The following RBM27 variants were observed in gnomAD, a reference collection of about 807,000 sequenced individuals.
RBM27 encodes the protein RNA-binding protein 27.
A neutral mutation model predicts 135.3 loss-of-function variants in RBM27; 22 were observed. The ratio of observed to expected loss-of-function variants is 0.16; its 90% CI spans 0.12 to 0.23. The LOEUF (loss-of-function observed/expected upper bound fraction) is 0.23. Ranked by LOEUF, RBM27 falls within the 10% of genes least tolerant of loss-of-function variation. The probability of loss-of-function intolerance (pLI) is 1.00; values close to 1 mark genes in which losing one functional copy is unlikely to be tolerated. For missense variants in RBM27, 1,009 were observed against 1,281.0 expected (o/e 0.79, Z 3.24); for synonymous variants, 481 against 442.4 (o/e 1.09, Z -1.10).
chr5:146,280,511 A>G (rs888647363), intron 19 of RBM27, among the ~76,000 whole-genome samples: 1 of 152,112 alleles, frequency 6.6e-6, no homozygotes, highest in African/African-American at 2.4e-5. Flanking sequence ...CATTTCCAAT[A>G]CCCCAATCTC....
intron 19 of RBM27, among the ~76,000 whole-genome samples, chr5:146,283,863 T>C (rs908206046): frequency 1.3e-5 from 2 of 152,224 alleles, no homozygotes; most frequent in East Asian, 1.9e-4. Flanking sequence ...TCTTCTATTA[T>C]GTTTTTTAGA....
chr5:146,231,618 T>C (rs535213297), intron 6 of RBM27, among the ~76,000 whole-genome samples: 1 of 152,226 alleles, frequency 6.6e-6, no homozygotes, highest in African/African-American at 2.4e-5. Context: ...GAATTTTATT[T>C]ATTTATTTAT....
At chr5:146,248,621 A>G (rs1418077338) in intron 8 of RBM27, among the ~76,000 whole-genome samples, 1 of 152,084 alleles carries the variant, frequency 6.6e-6, no homozygotes, top group African/African-American at 2.4e-5. Flanking sequence ...ATGCACCACT[A>G]CGCCTGGCTA....
In RBM27 at chr5:146,255,512, G is replaced by A. The variant is rs1012764981; in HGVS notation, c.1594+420G>A. Among the ~76,000 whole-genome samples, 26 of 152,218 alleles carry A rather than the reference G, an allele frequency of 1.7e-4. No homozygotes were observed. In the East Asian group the frequency reaches 2.9e-3, roughly 17 times the overall value. On this transcript the variant is annotated intron_variant, in intron 10 of 20. Transcript: ENST00000265271. ...ACTAATTATATTGAGAATCTAAAAT[G>A]TTACAATTATTTGATAATTTTTAAC...
chr5:146,207,588 A>G (rs1319308125), intron 1 of RBM27, among the ~76,000 whole-genome samples: 6 of 150,426 alleles, frequency 4.0e-5, no homozygotes, highest in Admixed American at 2.6e-4. Flanking sequence ...AAAGCTTCCA[A>G]TTCCCGGGGG....
chr5:146,231,530 T>A (rs1756931079), intron 6 of RBM27, among the ~76,000 whole-genome samples: 1 of 152,176 alleles, frequency 6.6e-6, no homozygotes, highest in Non-Finnish European at 1.5e-5. Flanking sequence ...TTTTTTTGTT[T>A]TCACTGTTAT....
chr5:146,233,438 T>G lies in RBM27; in HGVS notation c.851-12T>G. The G allele has an allele frequency of 2.6e-6, 4 of 1,521,416 alleles. No individual in the cohort carries two copies. Among genetic ancestry groups the G allele is most frequent in the Non-Finnish European group, 3.5e-6 (4 of 1,135,822 alleles). The allele number at this position is 1,521,416 out of a possible 1,614,324, so 94.2% of individuals were successfully genotyped here. ...TGATAATAAGATTCTTTTTTTATTC[T>G]TTATTCCACAGAAAGAGGATTTTGT... On this transcript the variant is annotated splice_polypyrimidine_tract_variant and intron_variant, in intron 6 of 20. Coordinates refer to ENST00000265271, the MANE Select transcript of RBM27 (RefSeq NM_018989.2).
chr5:146,273,338 C>T (rs980950195), intron 19 of RBM27, among the ~76,000 whole-genome samples: 16 of 152,178 alleles, frequency 1.1e-4, no homozygotes, highest in African/African-American at 3.6e-4. Context: ...CATTCTAAAG[C>T]ATCTAAAAAT....
intron 8 of RBM27, among the ~76,000 whole-genome samples, chr5:146,248,685 C>T (rs986365987): frequency 2.6e-5 from 4 of 152,188 alleles, no homozygotes; most frequent in Non-Finnish European, 4.4e-5. Context: ...AGCCTGGTCT[C>T]AAATTCCTGA....
At chr5:146,217,889 C>G (rs958195184) in intron 1 of RBM27, among the ~76,000 whole-genome samples, 1 of 151,998 alleles carries the variant, frequency 6.6e-6, no homozygotes, top group Non-Finnish European at 1.5e-5. Flanking sequence ...TCCCGAGTAG[C>G]TGGGATTACA....
At chr5:146,242,101 C>G (rs761362484) in intron 8 of RBM27, among the ~76,000 whole-genome samples, 2 of 151,908 alleles carry the variant, frequency 1.3e-5, no homozygotes, top group African/African-American at 2.4e-5. Context: ...CAAGGACAAT[C>G]TTTTAATTAA....
At chr5:146,281,953 T>C (rs1759370514) in intron 19 of RBM27, among the ~76,000 whole-genome samples, 1 of 152,074 alleles carries the variant, frequency 6.6e-6, no homozygotes, top group African/African-American at 2.4e-5. Flanking sequence ...TTGCCATTTT[T>C]ATTACTATAT....
intron 3 of RBM27, among the ~76,000 whole-genome samples, chr5:146,227,825 A>C (rs1419095741): frequency 6.6e-6 from 1 of 152,216 alleles, no homozygotes; most frequent in Admixed American, 6.5e-5. Flanking sequence ...CTTTAAGAGA[A>C]AGCCTTAACA....
At chr5:146,211,462 A>ATTTTTTTTTTTTTTT (rs1334313720) in intron 1 of RBM27, among the ~76,000 whole-genome samples, 1 of 52,034 alleles carries the variant, frequency 1.9e-5, no homozygotes, top group Non-Finnish European at 4.2e-5. Flanking sequence ...GTATGGTCTT[A>ATTTTTTTTTTTTTTT]TCTTTTTTTT....
At chr5:146,259,069 G>A (rs370138115) in intron 11 of RBM27, among the ~76,000 whole-genome samples, 2 of 151,626 alleles carry the variant, frequency 1.3e-5, no homozygotes, top group African/African-American at 4.8e-5. Context: ...CCCAAAATAG[G>A]TATTTCTAAT....
rs1334175563 is a variant in RBM27, at chr5:146,288,717, C to G, written c.*2687C>G. The G allele has an allele frequency of 6.6e-6, 1 of 152,032 alleles. No homozygotes were observed. The highest frequency in any genetic ancestry group is 1.5e-5 in the Non-Finnish European group (1 of 67,920). 9.4% of individuals were successfully genotyped at this position (152,032 alleles called of 1,614,324 possible). A position where few individuals can be genotyped will look rare whatever the true frequency, so the allele number is the denominator to read the frequency against. Reference sequence around the variant, plus strand: ...AATAGCCACCAGTTGACTAGGTCAGCCTGATATACTAGTGGATCACTGTCC... The same window carrying G: ...AATAGCCACCAGTTGACTAGGTCAGGCTGATATACTAGTGGATCACTGTCC... On this transcript the variant is annotated 3_prime_UTR_variant, in exon 21 of 21. Transcript: ENST00000265271.
chr5:146,258,173 A>G (rs1305714695), intron 10 of RBM27, among the ~76,000 whole-genome samples: 1 of 152,182 alleles, frequency 6.6e-6, no homozygotes, highest in African/African-American at 2.4e-5. Context: ...CACCATAAAT[A>G]TCTTGTTTTC....
chr5:146,267,944 T>A (rs1758688564), intron 15 of RBM27, among the ~76,000 whole-genome samples, 176 bp downstream of exon 15: 1 of 152,166 alleles, frequency 6.6e-6, no homozygotes, highest in Non-Finnish European at 1.5e-5. Flanking sequence ...AAAAAATGTT[T>A]CACAATTGCC....
chr5:146,267,060 C>T (rs1249647670), intron 14 of RBM27, among the ~76,000 whole-genome samples: 1 of 152,164 alleles, frequency 6.6e-6, no homozygotes, highest in Non-Finnish European at 1.5e-5. Flanking sequence ...AAATACCCTC[C>T]AGCCAGATAC....
Sources: gnomAD v4.1 joint callset for allele counts (sites outside exome capture counted in the v4.1 genomes callset) on GRCh38, gnomAD v4.1.1 for gene constraint, MANE v1.5 for transcripts, NCBI Gene and HGNC (gene_info 2026-07-23, HGNC 2026-07-21) for gene names.